Variants in GPM6A observed in about 807,000 individuals in gnomAD.
The protein encoded by GPM6A is glycoprotein M6A, also known as neuronal membrane glycoprotein M6-a.
GPM6A carries 7 observed loss-of-function variants against 32.1 expected under a neutral mutation model. The ratio of observed to expected loss-of-function variants is 0.22; its 90% CI spans 0.12 to 0.41. GPM6A has a LOEUF of 0.41. Among genes scored for constraint, GPM6A ranks in the 10% least tolerant of loss-of-function variants. GPM6A has a pLI of 1.00. For synonymous variants in GPM6A, 130 were observed against 123.4 expected (o/e 1.05, Z -0.35); for missense variants, 235 against 347.2 (o/e 0.68, Z 2.57).
At chr4:175,815,405 A>C (rs1333445911), upstream of GPM6A, among the ~76,000 whole-genome samples, 1 of 152,208 alleles carries the variant, frequency 6.6e-6, no homozygotes, top group East Asian at 1.9e-4. Context: ...CAGTATCTTA[A>C]ACTAGTTAGA....
chr4:175,685,007 C>G (rs1225314665), intron 2 of GPM6A, among the ~76,000 whole-genome samples: 1 of 152,082 alleles, frequency 6.6e-6, no homozygotes, highest in Non-Finnish European at 1.5e-5. Flanking sequence ...CCTGTCTCAG[C>G]CTCCCGAGTA....
At chr4:175,866,600 A>C (rs1175825711) in intron 1 of GPM6A, among the ~76,000 whole-genome samples, 3 of 152,062 alleles carry the variant, frequency 2.0e-5, no homozygotes, top group African/African-American at 4.8e-5. Context: ...TTGATGGTTT[A>C]TTTCTTTTTA....
chr4:175,687,538 G>C (rs1244861512), intron 2 of GPM6A, among the ~76,000 whole-genome samples: 1 of 151,744 alleles, frequency 6.6e-6, no homozygotes, highest in African/African-American at 2.4e-5. Flanking sequence ...AGATTACACT[G>C]TATGTATATA....
chr4:175,742,162 T>C (rs548510508), intron 1 of GPM6A, among the ~76,000 whole-genome samples: 1 of 152,116 alleles, frequency 6.6e-6, no homozygotes, highest in African/African-American at 2.4e-5. Flanking sequence ...ATTATTTCCC[T>C]AAGTTAATAC....
chr4:175,880,319 G>A (rs912838775), intron 1 of GPM6A, among the ~76,000 whole-genome samples: 11 of 152,142 alleles, frequency 7.2e-5, no homozygotes, highest in African/African-American at 1.7e-4. Context: ...GTCAGGTAGC[G>A]TGATGCCTCC....
intron 2 of GPM6A, among the ~76,000 whole-genome samples, chr4:175,694,742 C>T (rs1744481364): frequency 6.6e-6 from 1 of 152,212 alleles, no homozygotes; most frequent in Non-Finnish European, 1.5e-5. Context: ...GGAATTCAAG[C>T]AGGCTGCAGA....
At chr4:175,973,776 C>T (rs1384406537) in intron 1 of GPM6A, among the ~76,000 whole-genome samples, 3 of 152,156 alleles carry the variant, frequency 2.0e-5, no homozygotes, top group African/African-American at 7.2e-5. Flanking sequence ...AACCTATTCA[C>T]CCAGACTCTC....
chr4:175,874,464 T>C (rs1345997625), intron 1 of GPM6A, among the ~76,000 whole-genome samples: 1 of 151,880 alleles, frequency 6.6e-6, no homozygotes, highest in African/African-American at 2.4e-5. Flanking sequence ...CCTGGGGACT[T>C]GAGAGAGCAG....
chr4:175,904,688 A>T (rs1738075486), intron 1 of GPM6A, among the ~76,000 whole-genome samples: 1 of 152,100 alleles, frequency 6.6e-6, no homozygotes, highest in Non-Finnish European at 1.5e-5. Context: ...GCCTCTCCTG[A>T]CCACAAAGCT....
At position 175,962,010 on chromosome 4, in the gene GPM6A, A is replaced by T. The variant is rs1007213494; in HGVS notation, c.-23+40299T>A. On this transcript the variant is annotated intron_variant, in intron 1 of 7. Coordinates refer to the GPM6A transcript ENST00000280187. ...TCTTGTATATTAACAGGGGAGCACAACTGAAAATGTTCACGTCTCAGGCCT... is the reference window on the plus strand; with the variant it reads ...TCTTGTATATTAACAGGGGAGCACATCTGAAAATGTTCACGTCTCAGGCCT... The T allele has an allele frequency of 1.8e-4, 108 of 586,398 alleles. 2 individuals carry two copies. Among genetic ancestry groups the T allele is most frequent in the South Asian group, 1.8e-3 (104 of 57,886 alleles). The allele number at this position is 586,398 out of a possible 1,614,324, so 36.3% of individuals were successfully genotyped here.
chr4:175,680,542 G>T (rs1169937168), intron 2 of GPM6A, among the ~76,000 whole-genome samples: 2 of 151,940 alleles, frequency 1.3e-5, no homozygotes, highest in Non-Finnish European at 2.9e-5. Context: ...TCCCTTCATT[G>T]TGGCCATGTT....
chr4:175,730,313 G>C (rs1398551222), intron 1 of GPM6A, among the ~76,000 whole-genome samples: 1 of 151,370 alleles, frequency 6.6e-6, no homozygotes, highest in Admixed American at 6.6e-5. Context: ...CGAGATCTCA[G>C]CTCCCTGCCA....
chr4:175,885,022 T>A (rs1364199160), intron 1 of GPM6A, among the ~76,000 whole-genome samples: 1 of 152,196 alleles, frequency 6.6e-6, no homozygotes, highest in Non-Finnish European at 1.5e-5. Flanking sequence ...ATCTTATGAT[T>A]AGCAATTCCG....
intron 1 of GPM6A, among the ~76,000 whole-genome samples, chr4:175,854,826 T>A (rs1184440012): frequency 6.6e-6 from 1 of 152,122 alleles, no homozygotes; most frequent in Non-Finnish European, 1.5e-5. Context: ...GAGCACTGAT[T>A]CACAAATGCA....
chr4:175,953,023 C>G (rs1442544077), intron 1 of GPM6A, among the ~76,000 whole-genome samples: 1 of 93,340 alleles, frequency 1.1e-5, no homozygotes, highest in African/African-American at 2.7e-5. Context: ...GAACAAGACC[C>G]TGTTTTTAAA....
chr4:175,863,558 G>A (rs1050575741), intron 1 of GPM6A, among the ~76,000 whole-genome samples: 2 of 151,980 alleles, frequency 1.3e-5, no homozygotes, highest in Admixed American at 6.6e-5. Flanking sequence ...ATGAGTCTTG[G>A]CGTGAGCATA....
intron 1 of GPM6A, chr4:175,808,553 G>C (rs1734791525): frequency 6.6e-6 from 1 of 152,166 alleles, no homozygotes; most frequent in Admixed American, 6.5e-5. Context: ...AACTTTGGCT[G>C]TATATTGCTG....
intron 1 of GPM6A, among the ~76,000 whole-genome samples, chr4:175,846,902 C>T (rs1336798432): frequency 6.6e-6 from 1 of 151,942 alleles, no homozygotes; most frequent in African/African-American, 2.4e-5. Flanking sequence ...TGAAGATGAG[C>T]TGTTTAATGC....
chr4:175,827,249 A>G (rs1189589074), intron 1 of GPM6A, among the ~76,000 whole-genome samples: 1 of 152,236 alleles, frequency 6.6e-6, no homozygotes, highest in Non-Finnish European at 1.5e-5. Flanking sequence ...AAAAAATGTC[A>G]ACTATATTTA....
Sources: gnomAD v4.1 joint callset for allele counts (sites outside exome capture counted in the v4.1 genomes callset) on GRCh38, gnomAD v4.1.1 for gene constraint, MANE v1.5 for transcripts, NCBI Gene and HGNC (gene_info 2026-07-23, HGNC 2026-07-21) for gene names.